The following ZNF426 variants were observed in gnomAD, a reference collection of about 807,000 sequenced individuals.
The protein encoded by ZNF426 is zinc finger protein 426.
Under a neutral mutation model 24.0 loss-of-function variants are expected in ZNF426, and 23 were observed. The observed-to-expected ratio is 0.96, with a 90% CI of 0.69 to 1.36. The LOEUF is 1.36. ZNF426 is among the 40% of genes most tolerant of loss of function. The pLI is 0.00. For missense variants in ZNF426, 646 were observed against 658.4 expected, an observed-to-expected ratio of 0.98 and a Z score of 0.21; for synonymous variants, 272 against 224.6, an observed-to-expected ratio of 1.21 and a Z score of -1.89.
chr19:9,523,741 GT>G lies in ZNF426; in HGVS notation c.*4638del, dbSNP rs1396141647. The G allele has an allele frequency of 2.0e-5, 3 of 152,338 alleles. No homozygotes were observed. The highest frequency in any genetic ancestry group is 7.2e-5 in the African/African-American group (3 of 41,570). The allele number at this position is 152,338 out of a possible 1,614,324, so 9.4% of individuals were successfully genotyped here. On this transcript the variant is annotated 3_prime_UTR_variant, in exon 8 of 8. Coordinates refer to ENST00000253115, the MANE Select transcript of ZNF426 (RefSeq NM_024106.3). Reference sequence around the variant, plus strand: ...GCAACCTAGATCCCTTGCATGTGCAGTTCACAATAAAGTTCATGCTCCTATG... The same window carrying G: ...GCAACCTAGATCCCTTGCATGTGCAGTCACAATAAAGTTCATGCTCCTATG...
intron 6 of ZNF426, among the ~76,000 whole-genome samples, chr19:9,531,355 AGCCTTG>A (rs2073881082): frequency 6.6e-6 from 1 of 152,218 alleles, no homozygotes; most frequent in South Asian, 2.1e-4. Flanking sequence ...ACTGCACTCC[AGCCTTG>A]GCAACAAACA....
chr19:9,533,831 C>T lies in ZNF426; in HGVS notation c.244+9G>A, dbSNP rs781459887. On this transcript the variant is annotated intron_variant, in intron 5 of 7. Transcript: ENST00000253115. ...CATAGAAGGCTGCAAGGGATGAGGCCAGTCTTACCTACTGTGGCCAGGTTC... is the reference window on the plus strand; with the variant it reads ...CATAGAAGGCTGCAAGGGATGAGGCTAGTCTTACCTACTGTGGCCAGGTTC... 4 of 1,613,922 alleles carry T rather than the reference C, an allele frequency of 2.5e-6. No homozygotes were observed. In the South Asian group the frequency reaches 3.3e-5, roughly 13 times the overall value.
At chr19:9,535,096 A>AT in intron 4 of ZNF426, 92 bp downstream of exon 4, 5 of 864,114 alleles carry the variant, frequency 5.8e-6, no homozygotes, top group Non-Finnish European at 3.4e-6. Context: ...AAAAAAAAAA[A>AT]GAAGTCTGGA....
At position 9,528,471 on chromosome 19, in the gene ZNF426, G is replaced by T. The variant is rs200145637; in HGVS notation, c.1574C>A (p.Thr525Asn). The change falls in exon 8 of 8, where the codon ACT (threonine) becomes AAT (asparagine). Residue 525 changes from threonine (T) to asparagine (N), a missense_variant. Transcript: ENST00000253115. ...CSSSFRIHEK[T>N]HTEEKPYKCQ... ...TTTATAGGGTTTCTCTTCTGTGTGA[G>T]TTTTTTCATGAATTCTAAAGGAACT... 5 of 1,614,052 alleles carry T rather than the reference G, an allele frequency of 3.1e-6. No homozygotes were observed. Among genetic ancestry groups the T allele is most frequent in the South Asian group, 1.1e-5 (1 of 91,070 alleles).
intron 6 of ZNF426, among the ~76,000 whole-genome samples, chr19:9,532,366 A>G (rs2073899879): frequency 6.9e-6 from 1 of 145,008 alleles, no homozygotes; most frequent in Admixed American, 7.2e-5. Flanking sequence ...GTGCAATCAC[A>G]TCTCACCACA....
chr19:9,532,511 T>C (rs181234332), intron 6 of ZNF426, among the ~76,000 whole-genome samples: 257 of 152,144 alleles, frequency 1.7e-3, no homozygotes, highest in Non-Finnish European at 3.0e-3. Flanking sequence ...TTGCCCAGGC[T>C]GGTCTTGAAC....
chr19:9,533,325 G>A (rs916030475), intron 5 of ZNF426, among the ~76,000 whole-genome samples: 12 of 151,512 alleles, frequency 7.9e-5, no homozygotes, highest in South Asian at 4.2e-4. Flanking sequence ...GTGTGGTGGC[G>A]CATGCCAGTA....
At chr19:9,531,191 C>T (rs1272560061) in intron 6 of ZNF426, 124 bp from the exon 7 acceptor site, 3 of 725,262 alleles carry the variant, frequency 4.1e-6, no homozygotes, top group Non-Finnish European at 7.1e-6. Context: ...TTGAGACCAG[C>T]CTGGCCAACA....
rs1173104786 is a variant in ZNF426, at chr19:9,529,208, G to A, written c.837C>T (p.Pro279=). ...VLIETLNAKK[P]YKCKECGKGY... Reference sequence around the variant, plus strand: ...CTTTTCCACATTCCTTACATTTGTAGGGCTTTTTTGCATTGAGGGTTTCTA... The same window carrying A: ...CTTTTCCACATTCCTTACATTTGTAAGGCTTTTTTGCATTGAGGGTTTCTA... Residue 279 remains proline (P), a synonymous_variant, in exon 8 of 8, where the codon CCC becomes CCT. Coordinates refer to ENST00000253115, the MANE Select transcript of ZNF426 (RefSeq NM_024106.3). 1 of 1,614,120 alleles carries A rather than the reference G, an allele frequency of 6.2e-7. No individual in the cohort carries two copies. Among genetic ancestry groups the A allele is most frequent in the Non-Finnish European group, 8.5e-7 (1 of 1,180,020 alleles).
At position 9,527,531 on chromosome 19, in the gene ZNF426, T is replaced by G. The variant is rs2073808168; in HGVS notation, c.*849A>C. ...GGCTTTTTCATGCTCCTTACATTCA[T>G]ACAATTTCTCTCCTATGTGATTTCT... On this transcript the variant is annotated 3_prime_UTR_variant, in exon 8 of 8. Transcript: ENST00000253115. The G allele has an allele frequency of 6.6e-6, 1 of 152,232 alleles. No homozygotes were observed. Among genetic ancestry groups the G allele is most frequent in the Non-Finnish European group, 1.5e-5 (1 of 68,034 alleles). The allele number at this position is 152,232 out of a possible 1,614,324, so 9.4% of individuals were successfully genotyped here.
At chr19:9,532,325 C>T (rs2073899188) in intron 6 of ZNF426, among the ~76,000 whole-genome samples, 1 of 126,156 alleles carries the variant, frequency 7.9e-6, no homozygotes, top group African/African-American at 3.1e-5. Context: ...TGGCCAGGGT[C>T]TCACTCTATC....
rs938215781 is a variant in ZNF426 at position 9,527,557 on chromosome 19, C to T, written c.*823G>A. On this transcript the variant is annotated 3_prime_UTR_variant, in exon 8 of 8. Transcript: ENST00000253115. ...ACAATTTCTCTCCTATGTGATTTCT[C>T]CTGTATGTAGAAAGGACTGAAGACT... 6.6e-6 allele frequency: 1 copy of T among 152,192 alleles called. No homozygotes were observed. Among genetic ancestry groups the T allele is most frequent in the Non-Finnish European group, 1.5e-5 (1 of 68,036 alleles). The allele number at this position is 152,192 out of a possible 1,614,324, so 9.4% of individuals were successfully genotyped here.
intron 7 of ZNF426, among the ~76,000 whole-genome samples, chr19:9,530,595 C>A (rs1242541254): frequency 6.6e-6 from 1 of 151,684 alleles, no homozygotes. Context: ...GACCCTGTCT[C>A]CACAAAATTT....
Position 9,528,925 on chromosome 19 carries a change from G to A in ZNF426, c.1120C>T (p.Leu374Phe). 4.3e-6 allele frequency: 7 copies of A among 1,613,574 alleles called. No homozygotes were observed. The highest frequency in any genetic ancestry group is 5.9e-6 in the Non-Finnish European group (7 of 1,179,808). Residue 374 changes from leucine to phenylalanine, a missense_variant, in exon 8 of 8, where the codon CTT becomes TTT. Leu to Phe is a conservative substitution (Grantham distance 22). Transcript: ENST00000253115. ...YECKECGKSF[L>F]TSSRLIQHIR... ...TGTTGAATAAGGCGTGAGGATGTAAGGAAGGATTTCCCACATTCCTTACAT... is the reference window on the plus strand; with the variant it reads ...TGTTGAATAAGGCGTGAGGATGTAAAGAAGGATTTCCCACATTCCTTACAT...
chr19:9,536,379 A>T (rs545698909), intron 2 of ZNF426, 23 bp from the exon 3 acceptor site: 472 of 1,554,442 alleles, frequency 3.0e-4, no homozygotes, highest in Non-Finnish European at 4.0e-4. Context: ...ATCAATAATC[A>T]ACAAGCAGTA....
At chr19:9,531,113 A>T (rs377312967) in intron 6 of ZNF426, 46 bp from the exon 7 acceptor site, 125 of 1,479,168 alleles carry the variant, frequency 8.5e-5, no homozygotes, top group Non-Finnish European at 1.2e-4. Context: ...AGCTAGGCAC[A>T]GTGGCTCATG....
rs1027737029 is a variant in ZNF426 at position 9,529,473 on chromosome 19, G to C, written c.572C>G (p.Ser191Cys). 10 of 1,614,046 alleles carry C rather than the reference G, an allele frequency of 6.2e-6. No homozygotes were observed. The highest frequency in any genetic ancestry group is 8.5e-6 in the Non-Finnish European group (10 of 1,180,028). ...KDFLTLCEKT[S>C]TGEKLSEFNQ... ...AAACTCAGAAAGTTTCTCACCAGTA[G>C]AGGTTTTCTCACACAGGGTAAGGAA... The change falls in exon 8 of 8, where the codon TCT becomes TGT. Residue 191 changes from serine to cysteine, a missense_variant. By Grantham distance (112) the Ser-to-Cys change is moderately radical. Transcript: ENST00000253115.
chr19:9,534,194 C>A (rs2073930657), intron 4 of ZNF426, among the ~76,000 whole-genome samples: 1 of 152,130 alleles, frequency 6.6e-6, no homozygotes, highest in African/African-American at 2.4e-5. Flanking sequence ...TATCTCAGCA[C>A]AACCAGACTA....
intron 5 of ZNF426, among the ~76,000 whole-genome samples, chr19:9,533,353 G>A (rs934919982): frequency 6.6e-6 from 1 of 152,288 alleles, no homozygotes; most frequent in Non-Finnish European, 1.5e-5. Context: ...CTATTCGGGA[G>A]GCTGAGGCCC....
Sources: gnomAD v4.1 joint callset for allele counts (sites outside exome capture counted in the v4.1 genomes callset) on GRCh38, gnomAD v4.1.1 for gene constraint, MANE v1.5 for transcripts, NCBI Gene and HGNC (gene_info 2026-07-23, HGNC 2026-07-21) for gene names.